Variants in CDK13 observed in about 807,000 individuals in gnomAD.
The protein encoded by CDK13 is cyclin dependent kinase 13, also known as cyclin-dependent kinase 13.
Under a neutral mutation model 137.6 loss-of-function variants are expected in CDK13, and 40 were observed. That is an observed-to-expected ratio of 0.29 (90% CI 0.23 to 0.38). The LOEUF (loss-of-function observed/expected upper bound fraction) is 0.38, where lower values mean the gene tolerates loss of function less well. Among genes scored for constraint, CDK13 ranks in the 10% least tolerant of loss-of-function variants. The pLI is 1.00. For missense variants in CDK13, 1,704 were observed against 1,951.8 expected (o/e 0.87, Z 2.39); for synonymous variants, 869 against 760.1 (o/e 1.14, Z -2.36).
chr7:40,076,665 G>T (rs550777120), intron 9 of CDK13, among the ~76,000 whole-genome samples: 1 of 151,400 alleles, frequency 6.6e-6, no homozygotes, highest in African/African-American at 2.4e-5. Context: ...TAAATATATT[G>T]AGACAAAAAA....
intron 5 of CDK13, among the ~76,000 whole-genome samples, chr7:40,009,941 G>T (rs909015735): frequency 7.2e-5 from 11 of 152,132 alleles, no homozygotes; most frequent in Non-Finnish European, 1.6e-4. Context: ...GTTTGTGTGT[G>T]TGTATATTTA....
At chr7:40,068,793 T>A (rs1205331808) in intron 9 of CDK13, among the ~76,000 whole-genome samples, 1 of 151,108 alleles carries the variant, frequency 6.6e-6, no homozygotes, top group Non-Finnish European at 1.5e-5. Flanking sequence ...CAGAAGGCTA[T>A]ATTGAGATTG....
intron 2 of CDK13, among the ~76,000 whole-genome samples, chr7:39,990,173 A>T (rs7781392): frequency 0.042 from 6,320 of 151,880 alleles, 386 homozygotes; most frequent in African/African-American, 0.14. Flanking sequence ...CTTAATGAGG[A>T]TATTCCTTAT....
chr7:40,084,622 A>G (rs533879853), intron 11 of CDK13, among the ~76,000 whole-genome samples: 1 of 152,360 alleles, frequency 6.6e-6, no homozygotes, highest in Non-Finnish European at 1.5e-5. Context: ...GCATTAAGCC[A>G]TTTATAAGAC....
intron 12 of CDK13, among the ~76,000 whole-genome samples, chr7:40,089,698 T>TAG (rs58490010): frequency 0.05 from 7,066 of 140,358 alleles, 226 homozygotes; most frequent in East Asian, 0.12. Flanking sequence ...TGATATAAAA[T>TAG]AGAGAGAGAG....
At chr7:39,961,052 A>G (rs1414636159) in intron 1 of CDK13, among the ~76,000 whole-genome samples, 1 of 152,070 alleles carries the variant, frequency 6.6e-6, no homozygotes, top group East Asian at 1.9e-4. Flanking sequence ...CAGCCATTGA[A>G]GAAAACATTT....
chr7:39,966,229 A>G (rs1330600231), intron 1 of CDK13, among the ~76,000 whole-genome samples: 1 of 152,132 alleles, frequency 6.6e-6, no homozygotes, highest in African/African-American at 2.4e-5. Context: ...ACTTGGTTCC[A>G]TTCTCCCTGT....
At chr7:40,030,178 A>G (rs1785340324) in intron 5 of CDK13, among the ~76,000 whole-genome samples, 1 of 152,076 alleles carries the variant, frequency 6.6e-6, no homozygotes, top group Non-Finnish European at 1.5e-5. Context: ...TATCTTTTCT[A>G]GAGAACAGAA....
At chr7:39,985,775 C>T (rs916955701) in intron 1 of CDK13, 3 of 152,038 alleles carry the variant, frequency 2.0e-5, no homozygotes, top group Non-Finnish European at 2.9e-5. Flanking sequence ...ACAGAGGTGC[C>T]GTGGATTAAG....
At chr7:40,029,090 T>C (rs1785309346) in intron 5 of CDK13, among the ~76,000 whole-genome samples, 1 of 151,780 alleles carries the variant, frequency 6.6e-6, no homozygotes, top group South Asian at 2.1e-4. Flanking sequence ...TTTGCAACAA[T>C]TTGAGAAAAC....
intron 5 of CDK13, among the ~76,000 whole-genome samples, chr7:40,022,955 CAAGTA>C (rs531989888): frequency 1.7e-3 from 263 of 150,390 alleles, no homozygotes; most frequent in African/African-American, 5.9e-3. Flanking sequence ...CTTGTTTTCT[CAAGTA>C]AAGATCAATG....
chr7:40,045,638 G>A (rs962338121), intron 5 of CDK13, among the ~76,000 whole-genome samples, 198 bp from the exon 6 acceptor site: 4 of 151,132 alleles, frequency 2.6e-5, no homozygotes, highest in African/African-American at 7.3e-5. Flanking sequence ...GAAGAAAATA[G>A]ATTAGATGTT....
At chr7:39,963,545 A>G (rs1033454805) in intron 1 of CDK13, among the ~76,000 whole-genome samples, 1 of 152,190 alleles carries the variant, frequency 6.6e-6, no homozygotes, top group Non-Finnish European at 1.5e-5. Context: ...GGGGTTTTCT[A>G]GATATACAAT....
chr7:40,003,201 C>G (rs1377726535), intron 5 of CDK13, among the ~76,000 whole-genome samples: 3 of 65,710 alleles, frequency 4.6e-5, no homozygotes, highest in Non-Finnish European at 1.2e-4. Flanking sequence ...CACACACACA[C>G]ACACACTCTC....
chr7:39,976,201 G>GAGA (rs1784100878), intron 1 of CDK13, among the ~76,000 whole-genome samples: 1 of 151,850 alleles, frequency 6.6e-6, no homozygotes. Context: ...GCTAAGGCAG[G>GAGA]AGAATCACTT....
intron 9 of CDK13, among the ~76,000 whole-genome samples, chr7:40,064,101 A>G (rs1786217396): frequency 1.3e-5 from 2 of 152,032 alleles, no homozygotes; most frequent in Non-Finnish European, 1.5e-5. Context: ...CCTGACCAAC[A>G]TGGAGAAACC....
chr7:40,029,443 C>T (rs1001414634), intron 5 of CDK13, among the ~76,000 whole-genome samples: 2 of 149,538 alleles, frequency 1.3e-5, no homozygotes, highest in African/African-American at 4.9e-5. Context: ...AAATTTAGTC[C>T]GGGTGCAGTG....
At chr7:39,965,820 C>G (rs1369347747) in intron 1 of CDK13, among the ~76,000 whole-genome samples, 1 of 152,162 alleles carries the variant, frequency 6.6e-6, no homozygotes, top group Non-Finnish European at 1.5e-5. Context: ...CTGGTGGTGA[C>G]AAAATCTCTC....
chr7:40,001,230 T>G (rs926313315), intron 4 of CDK13, among the ~76,000 whole-genome samples: 1 of 151,938 alleles, frequency 6.6e-6, no homozygotes, highest in Non-Finnish European at 1.5e-5. Context: ...TTTTTTTTTT[T>G]TTTGAGACGG....
Sources: gnomAD v4.1 joint callset for allele counts (sites outside exome capture counted in the v4.1 genomes callset) on GRCh38, gnomAD v4.1.1 for gene constraint, MANE v1.5 for transcripts, NCBI Gene and HGNC (gene_info 2026-07-23, HGNC 2026-07-21) for gene names.